Variants in TACR3 observed in about 807,000 individuals in gnomAD.
TACR3 encodes the protein tachykinin receptor 3.
In TACR3, 34 loss-of-function variants were observed where a neutral mutation model predicts 35.0. The observed-to-expected ratio is 0.97, with a 90% CI of 0.74 to 1.30. TACR3 has a LOEUF of 1.30. TACR3 is among the 50% of genes most tolerant of loss of function. The probability of loss-of-function intolerance (pLI) is 0.00; values close to 1 mark genes in which losing one functional copy is unlikely to be tolerated. For synonymous variants in TACR3, 233 were observed against 221.1 expected, an observed-to-expected ratio of 1.05 and a Z score of -0.48; for missense variants, 558 against 591.7, an observed-to-expected ratio of 0.94 and a Z score of 0.59.
chr4:103,612,661 A>G (rs936092817), intron 3 of TACR3, among the ~76,000 whole-genome samples: 1 of 152,124 alleles, frequency 6.6e-6, no homozygotes, highest in Non-Finnish European at 1.5e-5. Flanking sequence ...GGTGTGCACC[A>G]CCACACCAGC....
intron 1 of TACR3, among the ~76,000 whole-genome samples, chr4:103,664,904 G>A (rs1279804053): frequency 6.6e-6 from 1 of 151,902 alleles, no homozygotes; most frequent in Admixed American, 6.6e-5. Context: ...TCCAACTCTT[G>A]GCTCAAGTGA....
intron 1 of TACR3, among the ~76,000 whole-genome samples, chr4:103,667,075 T>C (rs1201463797): frequency 6.6e-6 from 1 of 152,066 alleles, no homozygotes; most frequent in Admixed American, 6.6e-5. Context: ...CTGGCCAACA[T>C]GTTGAAACCC....
chr4:103,596,209 A>T (rs1724012643), intron 3 of TACR3, among the ~76,000 whole-genome samples: 1 of 150,812 alleles, frequency 6.6e-6, no homozygotes, highest in Non-Finnish European at 1.5e-5. Flanking sequence ...CGCAATAAAC[A>T]TACGTGTGCA....
At chr4:103,628,013 A>G (rs1176025553) in intron 3 of TACR3, among the ~76,000 whole-genome samples, 1 of 152,218 alleles carries the variant, frequency 6.6e-6, no homozygotes, top group Admixed American at 6.5e-5. Flanking sequence ...GCACAACTTC[A>G]TGGAAACTGA....
At chr4:103,593,478 G>T (rs1723938753) in intron 3 of TACR3, 1 of 152,146 alleles carries the variant, frequency 6.6e-6, no homozygotes, top group African/African-American at 2.4e-5. Context: ...ATATTTATGA[G>T]AATGTACTAG....
chr4:103,679,277 A>G (rs1217456786), intron 1 of TACR3, among the ~76,000 whole-genome samples: 1 of 152,048 alleles, frequency 6.6e-6, no homozygotes, highest in Non-Finnish European at 1.5e-5. Context: ...TGGAAGTCAT[A>G]CTTTCTGAGT....
At chr4:103,592,563 A>G (rs1723918551) in intron 3 of TACR3, among the ~76,000 whole-genome samples, 1 of 152,198 alleles carries the variant, frequency 6.6e-6, no homozygotes, top group South Asian at 2.1e-4. Flanking sequence ...TATAGGATGA[A>G]TGAATAATAA....
chr4:103,716,265 TA>T (rs1723089297), intron 1 of TACR3, among the ~76,000 whole-genome samples: 1 of 148,788 alleles, frequency 6.7e-6, no homozygotes, highest in Non-Finnish European at 1.5e-5. Flanking sequence ...GTTGGAGGTA[TA>T]GGGGTGAGGA....
intron 1 of TACR3, among the ~76,000 whole-genome samples, chr4:103,706,349 A>T (rs1578266129): frequency 6.6e-6 from 1 of 152,314 alleles, no homozygotes; most frequent in Middle Eastern, 3.4e-3. Flanking sequence ...CAAATACATG[A>T]ATTATCTATT....
At chr4:103,648,624 C>A (rs565068322) in intron 3 of TACR3, among the ~76,000 whole-genome samples, 124 of 152,132 alleles carry the variant, frequency 8.2e-4, no homozygotes, top group African/African-American at 2.8e-3. Context: ...GAATCTCATT[C>A]TTTTATGGCT....
intron 1 of TACR3, among the ~76,000 whole-genome samples, chr4:103,685,106 T>C (rs1400274851): frequency 6.6e-6 from 1 of 152,030 alleles, no homozygotes; most frequent in Non-Finnish European, 1.5e-5. Context: ...GGGGAATCAC[T>C]CTATCACATT....
chr4:103,600,537 T>G (rs1724170207), intron 3 of TACR3, among the ~76,000 whole-genome samples: 1 of 152,226 alleles, frequency 6.6e-6, no homozygotes. Flanking sequence ...TTCTAGTTCT[T>G]TTAATTGTGA....
intron 3 of TACR3, among the ~76,000 whole-genome samples, chr4:103,628,037 G>T (rs975518136): frequency 6.6e-6 from 1 of 152,120 alleles, no homozygotes; most frequent in Non-Finnish European, 1.5e-5. Flanking sequence ...ACTTGCTCCC[G>T]AATGACTACT....
chr4:103,600,891 G>A (rs1454541387), intron 3 of TACR3, among the ~76,000 whole-genome samples: 1 of 152,026 alleles, frequency 6.6e-6, no homozygotes, highest in Admixed American at 6.6e-5. Flanking sequence ...TATGTGGTCA[G>A]TTTTGGAGTA....
chr4:103,688,702 T>C (rs866816703), intron 1 of TACR3, among the ~76,000 whole-genome samples: 357 of 151,128 alleles, frequency 2.4e-3, no homozygotes, highest in Non-Finnish European at 4.0e-3. Flanking sequence ...CAATGAGATA[T>C]CATCTCACAC....
At chr4:103,638,824 A>G (rs2110317888) in intron 3 of TACR3, among the ~76,000 whole-genome samples, 1 of 152,210 alleles carries the variant, frequency 6.6e-6, no homozygotes, top group Admixed American at 6.5e-5. Flanking sequence ...ATGCAGCCAA[A>G]AAACACATGA....
chr4:103,702,057 A>C (rs1170317207), intron 1 of TACR3, among the ~76,000 whole-genome samples: 4 of 152,190 alleles, frequency 2.6e-5, no homozygotes, highest in Admixed American at 6.5e-5. Flanking sequence ...AATGGGATCT[A>C]ATTAAACTAA....
intron 3 of TACR3, among the ~76,000 whole-genome samples, chr4:103,616,326 A>T (rs1426715063): frequency 7.1e-6 from 1 of 140,358 alleles, no homozygotes; most frequent in Admixed American, 7.2e-5. Flanking sequence ...GTGTTTGTGT[A>T]TCACAAATGT....
intron 1 of TACR3, among the ~76,000 whole-genome samples, chr4:103,705,856 T>G (rs144647015): frequency 6.6e-6 from 1 of 152,178 alleles, no homozygotes; most frequent in African/African-American, 2.4e-5. Context: ...AATTATCTAA[T>G]GAAATTTTAC....
Sources: allele counts gnomAD v4.1 joint callset (sites outside exome capture counted in the v4.1 genomes callset), GRCh38; gene constraint gnomAD v4.1.1; transcripts MANE v1.5; gene names NCBI Gene and HGNC (gene_info 2026-07-23, HGNC 2026-07-21).